Variants in BMS1 observed in about 807,000 individuals in gnomAD.
The protein encoded by BMS1 is BMS1 ribosome biogenesis factor.
A neutral mutation model predicts 138.7 loss-of-function variants in BMS1; 53 were observed. The ratio of observed to expected loss-of-function variants is 0.38; its 90% CI spans 0.31 to 0.48. BMS1 has a LOEUF of 0.48. Ranked by LOEUF, BMS1 falls within the 20% of genes least tolerant of loss-of-function variation. BMS1 has a pLI of 0.97. For synonymous variants in BMS1, 504 were observed against 539.9 expected, an observed-to-expected ratio of 0.93 and a Z score of 0.92; for missense variants, 1,360 against 1,565.5, an observed-to-expected ratio of 0.87 and a Z score of 2.22.
At chr10:42,806,849 C>T (rs539172735) in intron 13 of BMS1, among the ~76,000 whole-genome samples, 7 of 149,820 alleles carry the variant, frequency 4.7e-5, no homozygotes, top group African/African-American at 1.7e-4. Flanking sequence ...TTGACATGCA[C>T]GTGTAAGAAC....
chr10:42,793,930 A>C lies in BMS1; in HGVS notation c.1168A>C (p.Ser390Arg). ...CACCATTGATGCCAAGATGGCTTCAAGTCGAGTGACGCTGTTTTCTGATTC... is the reference window on the plus strand; with the variant it reads ...CACCATTGATGCCAAGATGGCTTCACGTCGAGTGACGCTGTTTTCTGATTC... Reference protein sequence around the residue: ...HSTIDAKMASSRVTLFSDSKP... With the variant: ...HSTIDAKMASRRVTLFSDSKP... The change falls in exon 9 of 23, where the codon AGT becomes CGT. Residue 390 changes from serine to arginine, a missense_variant. By Grantham distance (110) the Ser-to-Arg change is moderately radical. Coordinates refer to ENST00000374518, the MANE Select transcript of BMS1 (RefSeq NM_014753.4). 1 of 1,611,954 alleles carries C rather than the reference A, an allele frequency of 6.2e-7. No individual in the cohort carries two copies. The highest frequency in any genetic ancestry group is 8.5e-7 in the Non-Finnish European group (1 of 1,179,822).
intron 21 of BMS1, among the ~76,000 whole-genome samples, chr10:42,827,763 C>A (rs1842691796): frequency 6.6e-6 from 1 of 152,096 alleles, no homozygotes; most frequent in Non-Finnish European, 1.5e-5. Flanking sequence ...TGGGGCTCTC[C>A]TTTAGTGACT....
intron 11 of BMS1, among the ~76,000 whole-genome samples, chr10:42,798,263 T>C (rs1841752645): frequency 6.6e-6 from 1 of 152,226 alleles, no homozygotes. Flanking sequence ...CCCACACATG[T>C]AGAGCAATAG....
At chr10:42,810,134 C>A (rs1037434103) in intron 13 of BMS1, among the ~76,000 whole-genome samples, 1 of 152,032 alleles carries the variant, frequency 6.6e-6, no homozygotes, top group Admixed American at 6.6e-5. Flanking sequence ...AGCAGACTTG[C>A]ATACCTGGAA....
chr10:42,807,057 C>T (rs972650948), intron 13 of BMS1, among the ~76,000 whole-genome samples: 8 of 151,722 alleles, frequency 5.3e-5, no homozygotes, highest in African/African-American at 7.3e-5. Context: ...GTGTGTTTTA[C>T]GTGTGTGTGT....
chr10:42,828,626 T>A (rs545251346), intron 21 of BMS1, among the ~76,000 whole-genome samples: 25 of 152,104 alleles, frequency 1.6e-4, no homozygotes, highest in African/African-American at 5.8e-4. Context: ...TTTTTTTTTT[T>A]ATTTTAGGTT....
At chr10:42,814,885 GA>G (rs1172051256) in intron 13 of BMS1, among the ~76,000 whole-genome samples, 1 of 152,110 alleles carries the variant, frequency 6.6e-6, no homozygotes, top group Non-Finnish European at 1.5e-5. Flanking sequence ...GATCTGGGGG[GA>G]CTGAGTCTGC....
intron 4 of BMS1, among the ~76,000 whole-genome samples, chr10:42,788,372 A>G (rs770624979): frequency 5.3e-5 from 8 of 152,100 alleles, no homozygotes; most frequent in Admixed American, 1.3e-4. Context: ...ATTATTATGG[A>G]TACATAATAG....
chr10:42,796,537 C>T lies in BMS1; in HGVS notation c.1293C>T (p.Ala431=). The change falls in exon 10 of 23, where the codon GCC becomes GCT. Residue 431 remains alanine, a synonymous_variant. Transcript: ENST00000374518. ...DLNTGRMRRK[A]IFGDEDESGD... Reference sequence around the variant, plus strand: ...ACACTGGTCGAATGCGTCGGAAAGCCATTTTCGGAGATGAAGATGAATCTG... The same window carrying T: ...ACACTGGTCGAATGCGTCGGAAAGCTATTTTCGGAGATGAAGATGAATCTG... 6.2e-7 allele frequency: 1 copy of T among 1,614,100 alleles called. No individual in the cohort carries two copies. The highest frequency in any genetic ancestry group is 8.5e-7 in the Non-Finnish European group (1 of 1,180,026).
rs756375630 is a variant in BMS1, at chr10:42,792,533, A to C, written c.820A>C (p.Ile274Leu). The C allele has an allele frequency of 1.9e-6, 3 of 1,611,080 alleles. No individual in the cohort carries two copies. In the South Asian group the frequency reaches 3.3e-5, roughly 18 times the overall value. The change falls in exon 7 of 23, where the codon ATC (isoleucine) becomes CTC (leucine). Residue 274 changes from isoleucine (I) to leucine (L), a missense_variant. Coordinates refer to ENST00000374518, the MANE Select transcript of BMS1 (RefSeq NM_014753.4). Reference sequence around the variant, plus strand: ...AAACCCAGAGGATATCCGAACAAACATCAAATGTGACCGGAAGGTGTCACT... The same window carrying C: ...AAACCCAGAGGATATCCGAACAAACCTCAAATGTGACCGGAAGGTGTCACT... ...LTNPEDIRTN[I>L]KCDRKVSLYG...
rs758947811 is a variant in BMS1 at position 42,832,297 on chromosome 10, C to T, written c.*1201C>T. Reference sequence around the variant, plus strand: ...AAATTCGCCAGGTGTGGTGGGTGCACACCTGTAGTTCCAGCTGCTTGGGAG... The same window carrying T: ...AAATTCGCCAGGTGTGGTGGGTGCATACCTGTAGTTCCAGCTGCTTGGGAG... On this transcript the variant is annotated 3_prime_UTR_variant, in exon 23 of 23. Coordinates refer to ENST00000374518, the MANE Select transcript of BMS1 (RefSeq NM_014753.4). The T allele has an allele frequency of 6.6e-6, 1 of 152,090 alleles. No homozygotes were observed. Among genetic ancestry groups the T allele is most frequent in the Non-Finnish European group, 1.5e-5 (1 of 68,062 alleles). 9.4% of individuals were successfully genotyped at this position (152,090 alleles called of 1,614,324 possible). A position where few individuals can be genotyped will look rare whatever the true frequency, so the allele number is the denominator to read the frequency against.
intron 3 of BMS1, 87 bp downstream of exon 3, chr10:42,785,759 C>CATGTTAAA (rs1841308911): frequency 7.9e-6 from 11 of 1,396,118 alleles, no homozygotes; most frequent in Non-Finnish European, 9.9e-7. Context: ...TTGAGTGGAA[C>CATGTTAAA]ATGTTAAATA....
chr10:42,806,692 G>A (rs188764814), intron 13 of BMS1, among the ~76,000 whole-genome samples: 11 of 142,926 alleles, frequency 7.7e-5, no homozygotes, highest in African/African-American at 2.7e-4. Context: ...CTGAGATCGC[G>A]CCACTGTACT....
chr10:42,834,247 T>C lies in BMS1; in HGVS notation c.*3151T>C, dbSNP rs557375429. On this transcript the variant is annotated 3_prime_UTR_variant, in exon 23 of 23. Transcript: ENST00000374518. ...CTATTTGTGGATGTACTAGATTGTTTTCTTTTTTTAACAAAACCTGTGAAC... is the reference window on the plus strand; with the variant it reads ...CTATTTGTGGATGTACTAGATTGTTCTCTTTTTTTAACAAAACCTGTGAAC... 1.0e-5 allele frequency: 1 copy of C among 98,656 alleles called. No individual in the cohort carries two copies. The highest frequency in any genetic ancestry group is 9.6e-5 in the Admixed American group (1 of 10,426). 6.1% of individuals were successfully genotyped at this position (98,656 alleles called of 1,614,324 possible). A position where few individuals can be genotyped will look rare whatever the true frequency, so the allele number is the denominator to read the frequency against.
In BMS1 at chr10:42,802,161, T is replaced by G; in HGVS notation, c.2272T>G (p.Phe758Val). The G allele has an allele frequency of 6.2e-7, 1 of 1,613,552 alleles. No individual in the cohort carries two copies. The highest frequency in any genetic ancestry group is 8.5e-7 in the Non-Finnish European group (1 of 1,179,670). ...EEVMNSIRDC[F>V]VTGKWEDDKD... ...GGTTATGAACAGTATCAGAGATTGC[T>G]TCGTGACTGGAAAGTGGGAAGATGA... Residue 758 changes from phenylalanine to valine, a missense_variant, in exon 13 of 23, where the codon TTC becomes GTC. This residue lies in a region of BMS1 where 697 missense variants were observed against 686.2 expected (regional missense o/e 1.02). Coordinates refer to ENST00000374518, the MANE Select transcript of BMS1 (RefSeq NM_014753.4).
At chr10:42,810,630 A>C (rs1286544428) in intron 13 of BMS1, among the ~76,000 whole-genome samples, 1 of 152,180 alleles carries the variant, frequency 6.6e-6, no homozygotes, top group East Asian at 1.9e-4. Context: ...CTGGGCCTGG[A>C]GATTTCTTAT....
chr10:42,820,208 A>G (rs1656877106), intron 15 of BMS1, 28 bp from the exon 16 acceptor site: 1 of 1,604,906 alleles, frequency 6.2e-7, no homozygotes, highest in African/African-American at 1.3e-5. Flanking sequence ...AACAGCATAC[A>G]GGTTTTTTTA....
At chr10:42,813,756 G>A (rs557727609) in intron 13 of BMS1, among the ~76,000 whole-genome samples, 1 of 152,096 alleles carries the variant, frequency 6.6e-6, no homozygotes, top group Non-Finnish European at 1.5e-5. Context: ...TTGTATTGTG[G>A]AAATGACAGA....
At chr10:42,826,706 G>A (rs1238652473) in intron 21 of BMS1, among the ~76,000 whole-genome samples, 1 of 152,218 alleles carries the variant, frequency 6.6e-6, no homozygotes, top group African/African-American at 2.4e-5. Context: ...TGGGACGTGG[G>A]GGTGCCATGT....
Sources: allele counts gnomAD v4.1 joint callset (sites outside exome capture counted in the v4.1 genomes callset), GRCh38; gene constraint gnomAD v4.1.1; regional missense constraint gnomAD v4.1.1; transcripts MANE v1.5; gene names NCBI Gene and HGNC (gene_info 2026-07-23, HGNC 2026-07-21).